Variants in JARID2 observed in about 807,000 individuals in gnomAD.
The protein encoded by JARID2 is protein Jumonji.
A neutral mutation model predicts 125.6 loss-of-function variants in JARID2; 21 were observed. The ratio of observed to expected loss-of-function variants is 0.17; its 90% CI spans 0.12 to 0.24. The LOEUF (loss-of-function observed/expected upper bound fraction) is 0.24. JARID2 is among the 10% of genes least tolerant of loss of function. The pLI, the probability that JARID2 is intolerant of heterozygous loss-of-function variation, is 1.00. For missense variants in JARID2, 1,303 were observed against 1,639.6 expected (o/e 0.79, Z 3.55); for synonymous variants, 736 against 661.6 (o/e 1.11, Z -1.73).
At chr6:15,293,828 C>T (rs1338680946) in intron 1 of JARID2, among the ~76,000 whole-genome samples, 1 of 152,246 alleles carries the variant, frequency 6.6e-6, no homozygotes, top group Non-Finnish European at 1.5e-5. Context: ...CTGGCCAACT[C>T]CTCTGCTATA....
chr6:15,310,727 G>A (rs927185879), intron 1 of JARID2, among the ~76,000 whole-genome samples: 5 of 152,170 alleles, frequency 3.3e-5, no homozygotes, highest in African/African-American at 1.2e-4. Context: ...TCCCATCCCC[G>A]CTTGGCTCTT....
chr6:15,474,217 TATTG>T (rs1311143673), intron 5 of JARID2, among the ~76,000 whole-genome samples: 2 of 152,220 alleles, frequency 1.3e-5, no homozygotes, highest in Non-Finnish European at 2.9e-5. Flanking sequence ...AGAAGGAAAT[TATTG>T]ATCATCTCAT....
intron 1 of JARID2, among the ~76,000 whole-genome samples, chr6:15,283,516 G>A (rs1393821622): frequency 2.1e-5 from 3 of 145,386 alleles, no homozygotes; most frequent in African/African-American, 7.7e-5. Context: ...TAATTTTCTT[G>A]TATTTTTATT....
At chr6:15,293,269 G>T (rs2127398801) in intron 1 of JARID2, among the ~76,000 whole-genome samples, 1 of 152,322 alleles carries the variant, frequency 6.6e-6, no homozygotes, top group South Asian at 2.1e-4. Context: ...GCCCTTATTA[G>T]CCTGGCGTGG....
At chr6:15,294,468 G>T (rs1437108203) in intron 1 of JARID2, among the ~76,000 whole-genome samples, 4 of 152,178 alleles carry the variant, frequency 2.6e-5, no homozygotes, top group Non-Finnish European at 5.9e-5. Context: ...CTGGGATTCA[G>T]GCATGAGCCA....
At chr6:15,460,095 G>T (rs1475062422) in intron 4 of JARID2, among the ~76,000 whole-genome samples, 2 of 152,102 alleles carry the variant, frequency 1.3e-5, no homozygotes, top group Admixed American at 1.3e-4. Context: ...TGGCCTTAAC[G>T]TTCTGCATAT....
At chr6:15,297,134 C>T (rs1360422950) in intron 1 of JARID2, among the ~76,000 whole-genome samples, 3 of 152,122 alleles carry the variant, frequency 2.0e-5, no homozygotes, top group Non-Finnish European at 2.9e-5. Context: ...GACTGCTTAT[C>T]TGGTTATTAT....
At chr6:15,445,679 G>T (rs992937811) in intron 3 of JARID2, among the ~76,000 whole-genome samples, 1 of 152,194 alleles carries the variant, frequency 6.6e-6, no homozygotes, top group African/African-American at 2.4e-5. Flanking sequence ...TGTGGCCTGG[G>T]AACAGTTGTG....
intron 2 of JARID2, among the ~76,000 whole-genome samples, chr6:15,407,805 G>T (rs538062738): frequency 2.0e-4 from 31 of 152,226 alleles, no homozygotes; most frequent in African/African-American, 7.5e-4. Flanking sequence ...ATATGTCTGT[G>T]TTTGTCTGTC....
chr6:15,265,635 C>T (rs1184679532), intron 1 of JARID2, among the ~76,000 whole-genome samples: 2 of 152,154 alleles, frequency 1.3e-5, no homozygotes, highest in South Asian at 4.1e-4. Flanking sequence ...AGGAAAGCCC[C>T]ATTGGACAGG....
At chr6:15,360,466 A>T (rs1411235808) in intron 1 of JARID2, among the ~76,000 whole-genome samples, 1 of 152,102 alleles carries the variant, frequency 6.6e-6, no homozygotes, top group Non-Finnish European at 1.5e-5. Flanking sequence ...TACAGGAGTG[A>T]GCCACTGTGC....
chr6:15,292,675 G>T (rs543305893), intron 1 of JARID2, among the ~76,000 whole-genome samples: 5 of 152,068 alleles, frequency 3.3e-5, no homozygotes, highest in African/African-American at 1.2e-4. Context: ...TTATGTATTT[G>T]TTTATGTTTT....
At chr6:15,506,986 A>C (rs1481726545) in intron 9 of JARID2, 150 bp from the exon 10 acceptor site, 3 of 616,984 alleles carry the variant, frequency 4.9e-6, no homozygotes, top group Non-Finnish European at 3.0e-6. Flanking sequence ...TTTCTGCATT[A>C]GCGTCCTGCT....
chr6:15,283,002 G>A lies in JARID2; in HGVS notation c.45+36418G>A, dbSNP rs1391381699. Among the ~76,000 whole-genome samples, 7 of 150,132 alleles carry A rather than the reference G, an allele frequency of 4.7e-5. No individual in the cohort carries two copies. The East Asian group carries it at 5.9e-4, about 13-fold the overall frequency. On this transcript the variant is annotated intron_variant, in intron 1 of 17. Coordinates refer to ENST00000341776, the MANE Select transcript of JARID2 (RefSeq NM_004973.4). ...TTATTTTTTTTATTTTTTTTGAGAC[G>A]GAGTCTCACTCTGTTGCCCAGGCTG...
intron 2 of JARID2, among the ~76,000 whole-genome samples, chr6:15,401,826 TTA>T (rs1213220612): frequency 6.6e-6 from 1 of 152,086 alleles, no homozygotes; most frequent in Non-Finnish European, 1.5e-5. Flanking sequence ...CTTCCATTCA[TTA>T]TATTTCAGTA....
At chr6:15,262,247 C>T (rs1198473518) in intron 1 of JARID2, among the ~76,000 whole-genome samples, 2 of 150,966 alleles carry the variant, frequency 1.3e-5, no homozygotes, top group African/African-American at 4.9e-5. Context: ...AAACTCCTGG[C>T]CTCAAGTGAT....
Position 15,507,358 on chromosome 6 carries a change from C to T in JARID2, c.2673C>T (p.Asn891=). The T allele has an allele frequency of 6.2e-7, 1 of 1,614,054 alleles. No homozygotes were observed. The highest frequency in any genetic ancestry group is 8.5e-7 in the Non-Finnish European group (1 of 1,179,950). The change falls in exon 11 of 18, where the codon AAC becomes AAT. Residue 891 remains asparagine, a synonymous_variant. Coordinates refer to ENST00000341776, the MANE Select transcript of JARID2 (RefSeq NM_004973.4). ...TTCCCCTTTGCAGGCATGGATGGAA[C>T]CTCACCGTCCTCCCCAATAACACAG... ...KSEPFSRHGW[N]LTVLPNNTGS...
chr6:15,426,035 C>T (rs1296409713), intron 3 of JARID2, among the ~76,000 whole-genome samples: 3 of 152,142 alleles, frequency 2.0e-5, no homozygotes, highest in Non-Finnish European at 2.9e-5. Flanking sequence ...TGCAGGGAAA[C>T]AGGCCTGTAC....
chr6:15,248,310 T>G (rs868720800), intron 1 of JARID2, among the ~76,000 whole-genome samples: 2 of 143,908 alleles, frequency 1.4e-5, no homozygotes, highest in South Asian at 4.3e-4. Context: ...CTCCGGGCTC[T>G]AGGCGGGCGC....
Sources: allele counts gnomAD v4.1 joint callset (sites outside exome capture counted in the v4.1 genomes callset), GRCh38; gene constraint gnomAD v4.1.1; transcripts MANE v1.5; gene names NCBI Gene and HGNC (gene_info 2026-07-23, HGNC 2026-07-21).